TRPC7: variants seen among roughly 807,000 people sequenced by gnomAD.
TRPC7 encodes short transient receptor potential channel 7.
Under a neutral mutation model 90.1 loss-of-function variants are expected in TRPC7, and 42 were observed. That is an observed-to-expected ratio of 0.47 (90% CI 0.36 to 0.60). The LOEUF (loss-of-function observed/expected upper bound fraction) is 0.60. Ranked by LOEUF, TRPC7 falls within the 20% of genes least tolerant of loss-of-function variation. TRPC7 has a pLI of 0.00. For synonymous variants in TRPC7, 451 were observed against 436.3 expected (o/e 1.03, Z -0.42); for missense variants, 955 against 1,112.3 (o/e 0.86, Z 2.01).
chr5:136,358,907 G>T (rs1475129935), intron 1 of TRPC7, among the ~76,000 whole-genome samples: 7 of 152,166 alleles, frequency 4.6e-5, no homozygotes, highest in Non-Finnish European at 8.8e-5. Context: ...GTTTTAAAGA[G>T]TAAGTACTTG....
intron 2 of TRPC7, among the ~76,000 whole-genome samples, chr5:136,343,122 G>C (rs559833343): frequency 6.6e-6 from 1 of 152,172 alleles, no homozygotes; most frequent in South Asian, 2.1e-4. Context: ...ACTTAAAAGT[G>C]AATGGTAAAG....
chr5:136,292,970 G>C (rs1758016685), intron 3 of TRPC7, among the ~76,000 whole-genome samples: 1 of 152,098 alleles, frequency 6.6e-6, no homozygotes, highest in African/African-American at 2.4e-5. Flanking sequence ...TTCATCCCTG[G>C]GATGCAAGGC....
chr5:136,305,962 T>C (rs951930977), intron 3 of TRPC7, among the ~76,000 whole-genome samples: 1 of 152,216 alleles, frequency 6.6e-6, no homozygotes, highest in Non-Finnish European at 1.5e-5. Flanking sequence ...TTTGAGCTCC[T>C]TTTTATTAGG....
In TRPC7 at chr5:136,251,715, G is replaced by C. The variant is rs141118703; in HGVS notation, c.1513C>G (p.Gln505Glu). The C allele has an allele frequency of 4.2e-5, 67 of 1,613,922 alleles. No homozygotes were observed. In the East Asian group the frequency reaches 1.5e-3, roughly 35 times the overall value. ...KATEAQLYVDQHVQDDTLHNV... is the reference protein window; with the variant it reads ...KATEAQLYVDEHVQDDTLHNV... ...TGCAGCGTGTCGTCCTGCACGTGCT[G>C]GTCCACGTACAGCTGTGCCTCCGTG... is the stretch of plus-strand genomic sequence containing the variant. The change falls in exon 6 of 12, where the codon CAG becomes GAG. Residue 505 changes from glutamine to glutamate, a missense_variant. By Grantham distance (29) the Gln-to-Glu change is conservative. Transcript: ENST00000513104.
intron 5 of TRPC7, among the ~76,000 whole-genome samples, chr5:136,259,958 T>C (rs1338762786): frequency 6.6e-6 from 1 of 152,250 alleles, no homozygotes; most frequent in African/African-American, 2.4e-5. Flanking sequence ...ACCTTAAATA[T>C]CCTGGAATGA....
At chr5:136,248,026 C>A (rs958269405) in intron 6 of TRPC7, among the ~76,000 whole-genome samples, 1 of 151,590 alleles carries the variant, frequency 6.6e-6, no homozygotes, top group Non-Finnish European at 1.5e-5. Flanking sequence ...CTTACCCCCA[C>A]CACGGGCTGG....
intron 5 of TRPC7, among the ~76,000 whole-genome samples, chr5:136,257,759 C>T (rs1160919925): frequency 2.0e-5 from 3 of 152,178 alleles, no homozygotes; most frequent in Non-Finnish European, 4.4e-5. Context: ...TCATCTGTGA[C>T]TGTGCAACCG....
intron 3 of TRPC7, among the ~76,000 whole-genome samples, chr5:136,305,159 A>G (rs543971249): frequency 2.0e-5 from 3 of 152,184 alleles, no homozygotes; most frequent in Non-Finnish European, 2.9e-5. Context: ...CCGGACTTCA[A>G]TCTGGCTTCC....
intron 5 of TRPC7, among the ~76,000 whole-genome samples, chr5:136,259,267 C>T (rs116811470): frequency 0.013 from 1,920 of 152,300 alleles, 42 homozygotes; most frequent in African/African-American, 0.044. Context: ...ACACAGGCAG[C>T]CCAGGAGCCT....
At chr5:136,309,802 A>C (rs1423455333) in intron 3 of TRPC7, among the ~76,000 whole-genome samples, 2 of 152,164 alleles carry the variant, frequency 1.3e-5, no homozygotes, top group African/African-American at 2.4e-5. Flanking sequence ...AGCCACTATG[A>C]CTTTAGTTTT....
chr5:136,274,574 G>GA (rs1228045156), intron 4 of TRPC7, 99 bp downstream of exon 4: 59 of 1,260,736 alleles, frequency 4.7e-5, no homozygotes, highest in Non-Finnish European at 4.7e-5. Flanking sequence ...TTAAATATGG[G>GA]AAAAAATCAG....
At chr5:136,363,494 T>C (rs1243831999) in intron 1 of TRPC7, among the ~76,000 whole-genome samples, 1 of 152,144 alleles carries the variant, frequency 6.6e-6, no homozygotes, top group Non-Finnish European at 1.5e-5. Flanking sequence ...AAAAAAGATA[T>C]ATACCTAACT....
intron 1 of TRPC7, among the ~76,000 whole-genome samples, chr5:136,362,918 T>C (rs1045208852): frequency 1.3e-5 from 2 of 152,186 alleles, no homozygotes; most frequent in Non-Finnish European, 2.9e-5. Context: ...ATCAACTTAA[T>C]TCATTCCTAA....
At position 136,251,649 on chromosome 5, in the gene TRPC7, C is replaced by T. The variant is rs890528025; in HGVS notation, c.1579G>A (p.Ala527Thr). Residue 527 changes from alanine (A) to threonine (T), a missense_variant and splice_region_variant, in exon 6 of 12, where the codon GCC (alanine) becomes ACC (threonine). By Grantham distance (58) the Ala-to-Thr change is moderately conservative (BLOSUM62 0). This residue lies in a region of TRPC7 where 296 missense variants were observed against 422.7 expected (regional missense o/e 0.70). Transcript: ENST00000513104. ...GTAGGGGAAGCACTCTCCGACTCAC[C>T]GTAGGTGAAGTATGCCACTTCCGGC... ...LPPEVAYFTY[A>T]RDKWWPSDPQ... 8.1e-6 allele frequency: 13 copies of T among 1,600,450 alleles called. No homozygotes were observed. Among genetic ancestry groups the T allele is most frequent in the African/African-American group, 4.0e-5 (3 of 74,678 alleles).
chr5:136,217,676 T>C (rs1755313929), intron 10 of TRPC7, among the ~76,000 whole-genome samples: 2 of 152,238 alleles, frequency 1.3e-5, no homozygotes, highest in Non-Finnish European at 2.9e-5. Context: ...GAATTTCTCA[T>C]GGACATAGTC....
chr5:136,351,676 A>G (rs907687709), intron 2 of TRPC7, among the ~76,000 whole-genome samples: 5 of 152,160 alleles, frequency 3.3e-5, no homozygotes, highest in Admixed American at 6.5e-5. Context: ...TTCTATTCTG[A>G]TAAGTTTGCA....
chr5:136,317,637 C>A (rs1284464970), intron 2 of TRPC7, among the ~76,000 whole-genome samples: 1 of 152,190 alleles, frequency 6.6e-6, no homozygotes, highest in Non-Finnish European at 1.5e-5. Flanking sequence ...TGGCCCCAAC[C>A]CCGTAACTTT....
intron 7 of TRPC7, among the ~76,000 whole-genome samples, chr5:136,232,129 T>C (rs1755837468): frequency 6.6e-6 from 1 of 152,236 alleles, no homozygotes; most frequent in South Asian, 2.1e-4. Context: ...ACTTTTCTCT[T>C]ACTGTAATTA....
At chr5:136,268,125 G>A (rs1330208792) in intron 4 of TRPC7, among the ~76,000 whole-genome samples, 1 of 152,144 alleles carries the variant, frequency 6.6e-6, no homozygotes, top group Non-Finnish European at 1.5e-5. Flanking sequence ...ATATTAAATA[G>A]CTAGTTTGAA....
Sources: allele counts gnomAD v4.1 joint callset (sites outside exome capture counted in the v4.1 genomes callset), GRCh38; gene constraint gnomAD v4.1.1; regional missense constraint gnomAD v4.1.1; transcripts MANE v1.5; gene names NCBI Gene and HGNC (gene_info 2026-07-23, HGNC 2026-07-21).